SNX32: variants seen among roughly 807,000 people sequenced by gnomAD.
The protein encoded by SNX32 is sorting nexin 32, also known as sorting nexin-32.
A neutral mutation model predicts 57.0 loss-of-function variants in SNX32; 58 were observed. That is an observed-to-expected ratio of 1.02 (90% confidence interval 0.82 to 1.27). The LOEUF (loss-of-function observed/expected upper bound fraction) is 1.27. Among genes scored for constraint, SNX32 ranks in the 50% most tolerant of loss-of-function variants. The pLI, the probability that SNX32 is intolerant of heterozygous loss-of-function variation, is 0.00. For missense variants in SNX32, 589 were observed against 541.2 expected (o/e 1.09, Z -0.88); for synonymous variants, 262 against 220.4 (o/e 1.19, Z -1.67).
chr11:65,852,397 AG>A, intron 9 of SNX32, 67 bp from the exon 10 acceptor site: 2 of 1,327,510 alleles, frequency 1.5e-6, no homozygotes, highest in Non-Finnish European at 1.1e-6. Flanking sequence ...TTAGATGAAG[AG>A]GTGCCTCCCA....
Position 65,853,496 on chromosome 11 carries a change from A to G in SNX32, c.*161A>G. The G allele has an allele frequency of 1.4e-6, 1 of 691,590 alleles. No individual in the cohort carries two copies. Among genetic ancestry groups the G allele is most frequent in the Non-Finnish European group, 2.5e-6 (1 of 400,896 alleles). The allele number at this position is 691,590 out of a possible 1,614,324, so 42.8% of individuals were successfully genotyped here. A position where few individuals can be genotyped will look rare whatever the true frequency, so the allele number is the denominator to read the frequency against. ...GGGAAAGCCCAAACCCCCTATCACC[A>G]CCACCACAGGTGCCAGGCCCTGCAA... On this transcript the variant is annotated 3_prime_UTR_variant, in exon 13 of 13. Coordinates refer to ENST00000308342, the MANE Select transcript of SNX32 (RefSeq NM_152760.3).
intron 1 of SNX32, among the ~76,000 whole-genome samples, chr11:65,841,357 C>T (rs796648354): frequency 1.1e-4 from 16 of 151,976 alleles, no homozygotes; most frequent in African/African-American, 3.9e-4. Flanking sequence ...CTGCCTCAGA[C>T]TCCCAAGTAG....
At position 65,849,556 on chromosome 11, in the gene SNX32, A is replaced by G; in HGVS notation, c.115A>G (p.Lys39Glu). The G allele has an allele frequency of 6.2e-7, 1 of 1,614,216 alleles. No homozygotes were observed. The highest frequency in any genetic ancestry group is 2.2e-5 in the East Asian group (1 of 44,884). ...TTCTGACGCAGTGAGTGAGCGGGAC[A>G]AGGTGAAATTCACTGTTCAAACAAA... ...EISDAVSERD[K>E]VKFTVQTKSC... Residue 39 changes from lysine to glutamate, a missense_variant, in exon 2 of 13, where the codon AAG becomes GAG. Physicochemically the swap from Lys to Glu is moderately conservative, Grantham distance 56 (BLOSUM62 1). Coordinates refer to ENST00000308342, the MANE Select transcript of SNX32 (RefSeq NM_152760.3).
At position 65,852,616 on chromosome 11, in the gene SNX32, G is replaced by A. The variant is rs371535733; in HGVS notation, c.913-14G>A. 1.1e-5 allele frequency: 18 copies of A among 1,612,838 alleles called. No individual in the cohort carries two copies. The highest frequency in any genetic ancestry group is 1.4e-5 in the Non-Finnish European group (17 of 1,179,686). On this transcript the variant is annotated splice_polypyrimidine_tract_variant and intron_variant, in intron 10 of 12. Coordinates refer to ENST00000308342, the MANE Select transcript of SNX32 (RefSeq NM_152760.3). ...CAGGACAGGGCAGCAGTGACCCTGT[G>A]CCCATGGTCCTAGGACCTGCTGTAC...
chr11:65,834,782 T>A (rs1858615966), intron 1 of SNX32, among the ~76,000 whole-genome samples: 1 of 151,168 alleles, frequency 6.6e-6, no homozygotes, highest in Non-Finnish European at 1.5e-5. Flanking sequence ...TATGTCTGTG[T>A]GTGTGTGTCT....
At chr11:65,849,827 G>A in intron 2 of SNX32, 93 bp from the exon 3 acceptor site, 1 of 1,003,068 alleles carries the variant, frequency 1.0e-6, no homozygotes, top group Non-Finnish European at 1.5e-6. Flanking sequence ...TCCCTGGGAT[G>A]TGGGATGAGG....
At position 65,850,503 on chromosome 11, in the gene SNX32, C is replaced by T; in HGVS notation, c.447C>T (p.Pro149=). 6.2e-7 allele frequency: 1 copy of T among 1,613,930 alleles called. No homozygotes were observed. The highest frequency in any genetic ancestry group is 8.5e-7 in the Non-Finnish European group (1 of 1,179,894). ...TTCTGCAGCGCCTGGCGGCCCACCC[C>T]ACCCTGCGTCGAGACCACAACTTCT... ...EVFLQRLAAH[P]TLRRDHNFFV... is the part of the protein sequence containing the mutation. Residue 149 remains proline, a synonymous_variant, in exon 5 of 13, where the codon CCC becomes CCT. Coordinates refer to ENST00000308342, the MANE Select transcript of SNX32 (RefSeq NM_152760.3).
intron 5 of SNX32, 37 bp from the exon 6 acceptor site, chr11:65,850,714 G>A (rs201720783): frequency 5.0e-6 from 8 of 1,592,138 alleles, no homozygotes; most frequent in South Asian, 3.3e-5. Context: ...AGGTGAGAAC[G>A]CCCACCCCAG....
rs765439832 is a variant in SNX32, at chr11:65,850,817, G to T, written c.565G>T (p.Ala189Ser). The T allele has an allele frequency of 6.2e-7, 1 of 1,614,046 alleles. No individual in the cohort carries two copies. The highest frequency in any genetic ancestry group is 1.1e-5 in the South Asian group (1 of 91,050). ...GGFLRNIVKS[A>S]DEALITGMSG... ...GTTTCTGAGGAATATTGTGAAGTCC[G>T]CGGATGAAGCCCTCATCACGGGCAT... The change falls in exon 6 of 13, where the codon GCG (alanine) becomes TCG (serine). Residue 189 changes from alanine (A) to serine (S), a missense_variant. Physicochemically the swap from Ala to Ser is moderately conservative, Grantham distance 99. Coordinates refer to ENST00000308342, the MANE Select transcript of SNX32 (RefSeq NM_152760.3).
In SNX32 at chr11:65,852,532, G is replaced by A. The variant is rs1449075138; in HGVS notation, c.893G>A (p.Arg298His). ...TCAGACATGCTGAGGTACTACATGC[G>A]TGACTCACAGGCAGCCAAGGTGAGA... is the stretch of plus-strand genomic sequence containing the variant. ...KLSDMLRYYM[R>H]DSQAAKDLLY... is the part of the protein sequence containing the mutation. Residue 298 changes from arginine (R) to histidine (H), a missense_variant, in exon 10 of 13, where the codon CGT becomes CAT. By Grantham distance (29) the Arg-to-His change is conservative. Transcript: ENST00000308342. 6.8e-6 allele frequency: 11 copies of A among 1,614,086 alleles called. No homozygotes were observed. The highest frequency in any genetic ancestry group is 3.3e-5 in the Admixed American group (2 of 60,006).
intron 1 of SNX32, among the ~76,000 whole-genome samples, chr11:65,847,907 C>CAAAAAAAAA (rs112552000): frequency 8.0e-6 from 1 of 124,914 alleles, no homozygotes; most frequent in African/African-American, 2.9e-5. Context: ...AAGATGCTAT[C>CAAAAAAAAA]AAAAAAAAAA....
intron 1 of SNX32, among the ~76,000 whole-genome samples, chr11:65,839,223 G>GTTTTTTTGTTTT (rs755185237): frequency 4.3e-5 from 1 of 23,078 alleles, no homozygotes; most frequent in Non-Finnish European, 7.1e-5. Flanking sequence ...TAATTTTTTT[G>GTTTTTTTGTTTT]TATTTTTTTT....
chr11:65,842,615 T>G (rs1334435251), intron 1 of SNX32, among the ~76,000 whole-genome samples: 1 of 151,688 alleles, frequency 6.6e-6, no homozygotes, highest in Non-Finnish European at 1.5e-5. Context: ...ATCGTGCCAC[T>G]GCACTCCAGC....
chr11:65,840,487 T>G (rs1858811904), intron 1 of SNX32, among the ~76,000 whole-genome samples: 1 of 152,088 alleles, frequency 6.6e-6, no homozygotes, highest in Admixed American at 6.5e-5. Context: ...CATTTTAGAT[T>G]ATAGGACTGT....
At chr11:65,849,735 C>A in intron 2 of SNX32, 153 bp downstream of exon 2, 1 of 805,908 alleles carries the variant, frequency 1.2e-6, no homozygotes, top group Non-Finnish European at 2.0e-6. Context: ...AGCCTCTTAG[C>A]TCTGCCTAAG....
rs754721665 is a variant in SNX32 at position 65,852,650 on chromosome 11, G to T, written c.933G>T (p.Leu311=). 27 of 1,604,678 alleles carry T rather than the reference G, an allele frequency of 1.7e-5. No individual in the cohort carries two copies. The highest frequency in any genetic ancestry group is 4.0e-5 in the African/African-American group (3 of 74,774). ...QAAKDLLYRR[L]RALADYENAN... ...CCTAGGACCTGCTGTACCGGCGGCT[G>T]CGGGCACTGGCCGACTACGAGAATG... Residue 311 remains leucine, a synonymous_variant, in exon 11 of 13, where the codon CTG becomes CTT. Transcript: ENST00000308342.
At chr11:65,838,503 G>A (rs530413804) in intron 1 of SNX32, among the ~76,000 whole-genome samples, 6 of 152,018 alleles carry the variant, frequency 3.9e-5, no homozygotes, top group Non-Finnish European at 8.8e-5. Context: ...GGAATTATAG[G>A]CATGAGTCAC....
intron 1 of SNX32, among the ~76,000 whole-genome samples, chr11:65,836,834 G>A (rs1397923965): frequency 1.3e-5 from 2 of 151,968 alleles, no homozygotes; most frequent in Admixed American, 6.6e-5. Flanking sequence ...TTACTCATAA[G>A]TGGGAGTTGA....
At chr11:65,846,944 T>C (rs1422363058) in intron 1 of SNX32, among the ~76,000 whole-genome samples, 1 of 151,610 alleles carries the variant, frequency 6.6e-6, no homozygotes, top group Non-Finnish European at 1.5e-5. Flanking sequence ...GATTGCACCA[T>C]TGCACTCCAG....
Sources: allele counts gnomAD v4.1 joint callset (sites outside exome capture counted in the v4.1 genomes callset), GRCh38; gene constraint gnomAD v4.1.1; transcripts MANE v1.5; gene names NCBI Gene and HGNC (gene_info 2026-07-23, HGNC 2026-07-21).